Variants in RAMP1 observed in about 807,000 individuals in gnomAD.
RAMP1 encodes receptor activity-modifying protein 1.
A neutral mutation model predicts 8.2 loss-of-function variants in RAMP1; 7 were observed. The ratio of observed to expected loss-of-function variants is 0.85; its 90% CI spans 0.49 to 1.60. The LOEUF (loss-of-function observed/expected upper bound fraction) is 1.60, where lower values mean the gene tolerates loss of function less well. RAMP1 is among the 40% of genes most tolerant of loss of function. RAMP1 has a pLI of 0.00. For missense variants in RAMP1, 192 were observed against 202.4 expected (o/e 0.95, Z 0.31); for synonymous variants, 92 against 84.7 (o/e 1.09, Z -0.47).
intron 2 of RAMP1, among the ~76,000 whole-genome samples, chr2:237,883,556 C>T (rs961477629): frequency 6.6e-6 from 1 of 152,170 alleles, no homozygotes; most frequent in Non-Finnish European, 1.5e-5. Flanking sequence ...TGGCTTTCGC[C>T]TGTAATCCCA....
intron 2 of RAMP1, among the ~76,000 whole-genome samples, chr2:237,903,501 C>G (rs11675917): frequency 0.074 from 11,320 of 152,144 alleles, 493 homozygotes; most frequent in African/African-American, 0.11. Flanking sequence ...GTATCCTACA[C>G]CTTCACTAGC....
chr2:237,860,625 G>A (rs1420341732), intron 1 of RAMP1, among the ~76,000 whole-genome samples: 1 of 152,250 alleles, frequency 6.6e-6, no homozygotes, highest in South Asian at 2.1e-4. Flanking sequence ...ACTGTGAATA[G>A]GTTACTGGCG....
intron 2 of RAMP1, among the ~76,000 whole-genome samples, chr2:237,905,485 G>A (rs889434014): frequency 2.0e-5 from 3 of 152,196 alleles, no homozygotes; most frequent in African/African-American, 7.2e-5. Flanking sequence ...CTGCCTCAGC[G>A]TGGCCTCGGC....
intron 2 of RAMP1, among the ~76,000 whole-genome samples, chr2:237,890,679 G>A (rs2062479204): frequency 6.6e-6 from 1 of 152,062 alleles, no homozygotes; most frequent in African/African-American, 2.4e-5. Flanking sequence ...GTGTTTATTT[G>A]GTCTATGTCC....
chr2:237,904,533 G>A lies in RAMP1; in HGVS notation c.192-6995G>A, dbSNP rs550011400. On this transcript the variant is annotated intron_variant, in intron 2 of 2. Coordinates refer to ENST00000254661, the MANE Select transcript of RAMP1 (RefSeq NM_005855.4). ...TGAGGCAAGAGGATCACCTGAGCCC[G>A]GGAGGCAGAGGTTGCAGTGAGCCAA... Among the ~76,000 whole-genome samples, 6 of 152,254 alleles carry A rather than the reference G, an allele frequency of 3.9e-5. No homozygotes were observed. The South Asian group carries it at 6.2e-4, about 16-fold the overall frequency.
rs114928883 is a variant in RAMP1 at position 237,864,273 on chromosome 2, C to T, written c.52+4546C>T. On this transcript the variant is annotated intron_variant, in intron 1 of 2. Coordinates refer to ENST00000254661, the MANE Select transcript of RAMP1 (RefSeq NM_005855.4). ...TCAGGAAGGACTGTCTTGAGTCTGA[C>T]ACCACCTGGGAGGAGAAAAGTCAGT... is the stretch of plus-strand genomic sequence containing the variant. Among the ~76,000 whole-genome samples the T allele has an allele frequency of 2.3e-3, 350 of 152,336 alleles. 3 individuals are homozygous for T. Among genetic ancestry groups the T allele is most frequent in the African/African-American group, 8.1e-3 (337 of 41,570 alleles).
At chr2:237,902,868 C>CA (rs1410791051) in intron 2 of RAMP1, among the ~76,000 whole-genome samples, 10 of 152,150 alleles carry the variant, frequency 6.6e-5, no homozygotes, top group South Asian at 2.1e-4. Context: ...GTAGAAAACC[C>CA]AAAAAAGTTG....
chr2:237,880,347 G>T (rs1225040056), intron 2 of RAMP1, among the ~76,000 whole-genome samples: 1 of 152,172 alleles, frequency 6.6e-6, no homozygotes, highest in Non-Finnish European at 1.5e-5. Context: ...GCCCCTGGCT[G>T]TTTTTGAGCA....
intron 2 of RAMP1, among the ~76,000 whole-genome samples, chr2:237,906,847 C>T (rs553393388): frequency 1.3e-4 from 19 of 151,718 alleles, no homozygotes; most frequent in East Asian, 5.8e-4. Context: ...CTCAGCCTCC[C>T]GAGTAGCTGG....
At chr2:237,881,953 C>T (rs2062373415) in intron 2 of RAMP1, among the ~76,000 whole-genome samples, 1 of 151,904 alleles carries the variant, frequency 6.6e-6, no homozygotes, top group Non-Finnish European at 1.5e-5. Context: ...AGTGGAAAGC[C>T]CCTCCCCACA....
Position 237,862,082 on chromosome 2 carries a change from T to A in RAMP1, c.52+2355T>A, listed in dbSNP as rs2062138680. Among the ~76,000 whole-genome samples the A allele has an allele frequency of 2.0e-5, 3 of 152,098 alleles. No homozygotes were observed. The highest frequency in any genetic ancestry group is 2.9e-5 in the Non-Finnish European group (2 of 68,018). On this transcript the variant is annotated intron_variant, in intron 1 of 2. Coordinates refer to ENST00000254661, the MANE Select transcript of RAMP1 (RefSeq NM_005855.4). The surrounding 1 kb of genome is among the most constrained non-coding windows in gnomAD (Gnocchi z 4.0). ...TGTCACACATGAACTCAGTCACCTGTCCTAGGAAACGCATGCCTTCCTTGG... is the reference window on the plus strand; with the variant it reads ...TGTCACACATGAACTCAGTCACCTGACCTAGGAAACGCATGCCTTCCTTGG...
Position 237,877,351 on chromosome 2 carries a change from C to T in RAMP1, c.180C>T (p.Gly60=). The T allele has an allele frequency of 6.2e-7, 1 of 1,612,302 alleles. No homozygotes were observed. Among genetic ancestry groups the T allele is most frequent in the Non-Finnish European group, 8.5e-7 (1 of 1,179,184 alleles). ...AVGETLWCDW[G]RTIRSYRELA... is the part of the protein sequence containing the mutation. ...GGGAGACGCTGTGGTGTGACTGGGG[C>T]AGGACCATCAGGTGAGTCCCATGGC... The change falls in exon 2 of 3, where the codon GGC becomes GGT. Residue 60 remains glycine (G), a synonymous_variant. Coordinates refer to ENST00000254661, the MANE Select transcript of RAMP1 (RefSeq NM_005855.4). The surrounding 1 kb of genome is among the most constrained non-coding windows in gnomAD (Gnocchi z 4.4).
intron 2 of RAMP1, among the ~76,000 whole-genome samples, chr2:237,887,428 T>C (rs1254730786): frequency 6.6e-6 from 1 of 150,542 alleles, no homozygotes; most frequent in African/African-American, 2.5e-5. Context: ...AGGGTGCCCT[T>C]TGGGATGCGT....
chr2:237,905,606 G>A (rs1453695915), intron 2 of RAMP1, among the ~76,000 whole-genome samples: 1 of 152,210 alleles, frequency 6.6e-6, no homozygotes, highest in Non-Finnish European at 1.5e-5. Flanking sequence ...GCTCCTCAGA[G>A]GACAGGGGTC....
At chr2:237,866,549 G>A (rs979567413) in intron 1 of RAMP1, among the ~76,000 whole-genome samples, 1 of 152,068 alleles carries the variant, frequency 6.6e-6, no homozygotes, top group Admixed American at 6.5e-5. Context: ...GGCAATACAA[G>A]TGACCCTTGA....
Position 237,910,345 on chromosome 2 carries a change from TCA to T in RAMP1, c.192-1170_192-1169del, listed in dbSNP as rs920687135. Among the ~76,000 whole-genome samples, 32 of 145,412 alleles carry T rather than the reference TCA, an allele frequency of 2.2e-4. No individual in the cohort carries two copies. In the South Asian group the frequency reaches 4.2e-3, roughly 19 times the overall value. ...GACACACATACAGAGAATAACACAG[TCA>T]CACACACACACAATCACACACAGAG... On this transcript the variant is annotated intron_variant, in intron 2 of 2. Transcript: ENST00000254661.
chr2:237,883,846 A>G (rs1339939803), intron 2 of RAMP1, among the ~76,000 whole-genome samples: 2 of 150,240 alleles, frequency 1.3e-5, no homozygotes, highest in African/African-American at 2.4e-5. Context: ...GAAAAGAAAA[A>G]AAAAAAAGAG....
In RAMP1 at chr2:237,878,106, T is replaced by G; in HGVS notation, c.191+744T>G. 1 of 985,320 alleles carries G rather than the reference T, an allele frequency of 1.0e-6. No individual in the cohort carries two copies. The highest frequency in any genetic ancestry group is 1.2e-6 in the Non-Finnish European group (1 of 829,878). The allele number at this position is 985,320 out of a possible 1,614,324, so 61.0% of individuals were successfully genotyped here. ...GCGCTGGGGTGTCCTGGGGCTGCAG[T>G]GGGTGAGTAGCGGGGTCAGCAGTGC... On this transcript the variant is annotated intron_variant, in intron 2 of 2. Coordinates refer to ENST00000254661, the MANE Select transcript of RAMP1 (RefSeq NM_005855.4). This position sits in a 1 kb window ranked among gnomAD's most constrained non-coding sequence, Gnocchi z 5.7.
chr2:237,861,739 T>C (rs1185941842), intron 1 of RAMP1, among the ~76,000 whole-genome samples: 1 of 151,680 alleles, frequency 6.6e-6, no homozygotes, highest in Non-Finnish European at 1.5e-5. Context: ...TAATCCCGGC[T>C]ACTTGGGAGG....
Sources: gnomAD v4.1 joint callset for allele counts (sites outside exome capture counted in the v4.1 genomes callset) on GRCh38, gnomAD v4.1.1 for gene constraint, Gnocchi (gnomAD v3.1) non-coding constraint, MANE v1.5 for transcripts, NCBI Gene and HGNC (gene_info 2026-07-23, HGNC 2026-07-21) for gene names.